The following CFTR variants were observed in gnomAD, a reference collection of about 807,000 sequenced individuals.
CFTR encodes the protein CF transmembrane conductance regulator, also known as cystic fibrosis transmembrane conductance regulator.
A neutral mutation model predicts 171.6 loss-of-function variants in CFTR; 181 were observed. That is an observed-to-expected ratio of 1.05 (90% confidence interval 0.93 to 1.19). The LOEUF (loss-of-function observed/expected upper bound fraction) is 1.19. CFTR is among the 50% of genes most tolerant of loss of function. The pLI is 0.00. For missense variants in CFTR, 1,968 were observed against 1,734.7 expected, an observed-to-expected ratio of 1.13 and a Z score of -2.39; for synonymous variants, 583 against 608.0, an observed-to-expected ratio of 0.96 and a Z score of 0.60.
At chr7:117,583,361 A>G (rs1243218541) in intron 11 of CFTR, among the ~76,000 whole-genome samples, 2 of 151,642 alleles carry the variant, frequency 1.3e-5, no homozygotes, top group African/African-American at 2.4e-5. Flanking sequence ...AGCACATTAT[A>G]TAATTATTAT....
chr7:117,587,521 T>A (rs1791955527), intron 11 of CFTR, among the ~76,000 whole-genome samples: 1 of 152,190 alleles, frequency 6.6e-6, no homozygotes, highest in South Asian at 2.1e-4. Context: ...CATGACATTT[T>A]AAAAATTACA....
intron 23 of CFTR, among the ~76,000 whole-genome samples, chr7:117,645,984 A>AGAATTCAAT (rs1261412632): frequency 6.6e-6 from 1 of 152,168 alleles, no homozygotes; most frequent in East Asian, 1.9e-4. Flanking sequence ...TTGCTTGATA[A>AGAATTCAAT]GAATTCAATG....
chr7:117,665,636 T>TTA, intron 26 of CFTR, 72 bp downstream of exon 26: 1 of 947,164 alleles, frequency 1.1e-6, no homozygotes, highest in Non-Finnish European at 1.7e-6. Flanking sequence ...CATGTGATAG[T>TTA]TCCTGCAAAT....
chr7:117,640,668 G>T (rs1792898233), intron 22 of CFTR, among the ~76,000 whole-genome samples: 1 of 152,152 alleles, frequency 6.6e-6, no homozygotes, highest in Non-Finnish European at 1.5e-5. Context: ...TATTGTGTTA[G>T]AAAAATCATG....
At position 117,581,817 on chromosome 7, in the gene CFTR, C is replaced by G. The variant is rs113440713; in HGVS notation, c.1585-5922C>G. 5.3e-3 allele frequency among the ~76,000 whole-genome samples: 811 copies of G among 152,188 alleles called. 14 individuals carry two copies. The highest frequency in any genetic ancestry group is 0.019 in the African/African-American group (776 of 41,524). On this transcript the variant is annotated intron_variant, in intron 11 of 26. Transcript: ENST00000003084. ...CCAGGCTGGAGTGCAATGGAGTGAT[C>G]ACGGTTCATTGCAGCCTTGACCTCC...
intron 3 of CFTR, among the ~76,000 whole-genome samples, chr7:117,512,132 TAGAGA>T (rs1798529073): frequency 6.6e-6 from 1 of 152,152 alleles, no homozygotes; most frequent in Non-Finnish European, 1.5e-5. Context: ...TCAGGACTGA[TAGAGA>T]AAAGTACTAT....
chr7:117,652,034 G>C (rs187761288), intron 23 of CFTR, among the ~76,000 whole-genome samples: 135 of 152,290 alleles, frequency 8.9e-4, no homozygotes, highest in Non-Finnish European at 1.0e-3. Context: ...CCCAGGCACA[G>C]AGAACTAAGT....
In CFTR at chr7:117,590,496, A is replaced by G. The variant is rs1792010216; in HGVS notation, c.1766+57A>G. 1.9e-6 allele frequency: 3 copies of G among 1,559,660 alleles called. No homozygotes were observed. The South Asian group carries it at 3.4e-5, about 18-fold the overall frequency. On this transcript the variant is annotated intron_variant, in intron 13 of 26. Coordinates refer to ENST00000003084, the MANE Select transcript of CFTR (RefSeq NM_000492.4). Reference sequence around the variant, plus strand: ...TCATGCTAAAATAAAAGAAAGACAGACTGTCCCATCATAGATTGCATTTTA... The same window carrying G: ...TCATGCTAAAATAAAAGAAAGACAGGCTGTCCCATCATAGATTGCATTTTA...
chr7:117,603,667 C>G lies in CFTR; in HGVS notation c.2793C>G (p.Phe931Leu). 9 of 1,614,096 alleles carry G rather than the reference C, an allele frequency of 5.6e-6. No individual in the cohort carries two copies. Among genetic ancestry groups the G allele is most frequent in the Non-Finnish European group, 7.6e-6 (9 of 1,179,958 alleles). ...CCGACACTTTGCTTGCTATGGGATT[C>G]TTCAGAGGTCTACCACTGGTGCATA... ...GVADTLLAMG[F>L]FRGLPLVHTL... Residue 931 changes from phenylalanine to leucine, a missense_variant, in exon 17 of 27, where the codon TTC becomes TTG. Transcript: ENST00000003084.
intron 14 of CFTR, among the ~76,000 whole-genome samples, 164 bp downstream of exon 14, chr7:117,592,821 T>A (rs1324286695): frequency 6.6e-6 from 1 of 152,196 alleles, no homozygotes; most frequent in African/African-American, 2.4e-5. Flanking sequence ...AACGTTAAAA[T>A]GTAAAATAAC....
chr7:117,480,132 C>A lies in CFTR; in HGVS notation c.38C>A (p.Ser13Tyr), dbSNP rs397508635. The A allele has an allele frequency of 6.2e-7, 1 of 1,613,844 alleles. No individual in the cohort carries two copies. Among genetic ancestry groups the A allele is most frequent in the Non-Finnish European group, 8.5e-7 (1 of 1,179,848 alleles). Residue 13 changes from serine (S) to tyrosine (Y), a missense_variant, in exon 1 of 27, where the codon TCC (serine) becomes TAC (tyrosine). Transcript: ENST00000003084. The part of the protein sequence containing the change: ...RSPLEKASVV[S>Y]KLFFSWTRPI... The stretch of plus-strand genomic sequence containing the variant: ...CCTCTGGAAAAGGCCAGCGTTGTCT[C>A]CAAACTTTTTTTCAGGTGAGAAGGT...
At chr7:117,618,879 C>A (rs562447696) in intron 21 of CFTR, among the ~76,000 whole-genome samples, 4 of 152,280 alleles carry the variant, frequency 2.6e-5, no homozygotes, top group African/African-American at 9.6e-5. Flanking sequence ...TTATCAGAAT[C>A]TAATTTAATA....
intron 1 of CFTR, among the ~76,000 whole-genome samples, chr7:117,503,471 T>C (rs1562882462): frequency 1.3e-5 from 2 of 152,234 alleles, no homozygotes; most frequent in Non-Finnish European, 2.9e-5. Flanking sequence ...CTTTCTTCTT[T>C]CTAGATTTTC....
intron 3 of CFTR, among the ~76,000 whole-genome samples, chr7:117,511,858 A>AG (rs983768975): frequency 3.1e-4 from 47 of 152,252 alleles, no homozygotes; most frequent in Middle Eastern, 3.4e-3. Context: ...TAAGAATAAA[A>AG]GGGGGGGAGA....
chr7:117,571,911 G>A (rs991073421), intron 11 of CFTR, among the ~76,000 whole-genome samples: 4 of 151,972 alleles, frequency 2.6e-5, no homozygotes, highest in African/African-American at 9.7e-5. Flanking sequence ...CTTTTTGTTG[G>A]GTGTAGTAAA....
intron 1 of CFTR, among the ~76,000 whole-genome samples, chr7:117,496,467 G>A (rs1191480289): frequency 2.0e-5 from 3 of 152,158 alleles, no homozygotes; most frequent in African/African-American, 7.2e-5. Flanking sequence ...GCATCCTAAA[G>A]TGCTGGGATT....
intron 9 of CFTR, among the ~76,000 whole-genome samples, chr7:117,544,679 T>A (rs1799110046): frequency 6.6e-6 from 1 of 152,232 alleles, no homozygotes; most frequent in South Asian, 2.1e-4. Flanking sequence ...CTCCTTCTCA[T>A]GTTTAAATAT....
Position 117,614,649 on chromosome 7 carries a change from T to C in CFTR, c.3404T>C (p.Leu1135Ser). 3 of 1,612,382 alleles carry C rather than the reference T, an allele frequency of 1.9e-6. No individual in the cohort carries two copies. Among genetic ancestry groups the C allele is most frequent in the Non-Finnish European group, 2.5e-6 (3 of 1,178,656 alleles). Residue 1135 changes from leucine (L) to serine (S), a missense_variant, in exon 21 of 27, where the codon TTA becomes TCA. Leu to Ser is a moderately radical substitution (Grantham distance 145). Coordinates refer to ENST00000003084, the MANE Select transcript of CFTR (RefSeq NM_000492.4). ...GGAAGAGTTGGTATTATCCTGACTT[T>C]AGCCATGAATATCATGAGTACATTG... ...GEGRVGIILT[L>S]AMNIMSTLQW... is the part of the protein sequence containing the mutation.
intron 3 of CFTR, among the ~76,000 whole-genome samples, chr7:117,517,445 C>A (rs1798612577): frequency 6.6e-6 from 1 of 152,080 alleles, no homozygotes; most frequent in Non-Finnish European, 1.5e-5. Context: ...TTTTCTTTAT[C>A]CAGTCTATCA....
Sources: gnomAD v4.1 joint callset for allele counts (sites outside exome capture counted in the v4.1 genomes callset) on GRCh38, gnomAD v4.1.1 for gene constraint, MANE v1.5 for transcripts, NCBI Gene and HGNC (gene_info 2026-07-23, HGNC 2026-07-21) for gene names.